The following MID1IP1 variants were observed in gnomAD, a reference collection of about 807,000 sequenced individuals.
The protein encoded by MID1IP1 is MID1 interacting protein 1, also known as mid1-interacting protein 1.
MID1IP1 carries 3 observed loss-of-function variants against 6.8 expected under a neutral mutation model. The ratio of observed to expected loss-of-function variants is 0.44; its 90% confidence interval spans 0.20 to 1.14. The LOEUF (loss-of-function observed/expected upper bound fraction) is 1.14, where lower values mean the gene tolerates loss of function less well. MID1IP1 is among the 50% of genes most tolerant of loss of function. The pLI, the probability that MID1IP1 is intolerant of heterozygous loss-of-function variation, is 0.26. For missense variants in MID1IP1, 127 were observed against 158.4 expected, an observed-to-expected ratio of 0.80 and a Z score of 1.06; for synonymous variants, 87 against 70.4, an observed-to-expected ratio of 1.24 and a Z score of -1.18.
Position 38,802,772 on chromosome X carries a change from CAG to C in MID1IP1, c.-1903_-1902del, listed in dbSNP as rs1253411731. 2.7e-5 allele frequency: 3 copies of C among 109,861 alleles called. No individual in the cohort carries two copies. Among genetic ancestry groups the C allele is most frequent in the Non-Finnish European group, 3.8e-5 (2 of 52,615 alleles). The allele number at this position is 109,861 out of a possible 1,213,427, so 9.1% of individuals were successfully genotyped here. Reference sequence around the variant, plus strand: ...GGATCTTTTTTTTTTTTATTTGAGACAGAGTCTTGCTCTGTCGCCCAGGCTGG... The same window carrying C: ...GGATCTTTTTTTTTTTTATTTGAGACAGTCTTGCTCTGTCGCCCAGGCTGG... On this transcript the variant is annotated 5_prime_UTR_variant, in exon 2 of 3. Coordinates refer to ENST00000614558, the MANE Select transcript of MID1IP1 (RefSeq NM_021242.6).
At chrX:38,802,417 T>A (rs1238390096) in intron 1 of MID1IP1, 118 bp from the exon 2 acceptor site, 1 of 112,313 alleles carries the variant, frequency 8.9e-6, no homozygotes, top group Non-Finnish European at 1.9e-5. Flanking sequence ...GTTTTGCAAG[T>A]AAGAAAACAT....
Position 38,805,592 on chromosome X carries a change from G to T in MID1IP1, c.*94G>T. 1 of 879,970 alleles carries T rather than the reference G, an allele frequency of 1.1e-6. No individual in the cohort carries two copies. The highest frequency in any genetic ancestry group is 3.1e-5 in the Admixed American group (1 of 32,518). The allele number at this position is 879,970 out of a possible 1,213,427, so 72.5% of individuals were successfully genotyped here. A position where few individuals can be genotyped will look rare whatever the true frequency, so the allele number is the denominator to read the frequency against. ...TTTTTTTTTTTCCTGGCTGGGGGGCGGGAAGGGCAGACTGCAAACTGGGGG... is the reference window on the plus strand; with the variant it reads ...TTTTTTTTTTTCCTGGCTGGGGGGCTGGAAGGGCAGACTGCAAACTGGGGG... On this transcript the variant is annotated 3_prime_UTR_variant, in exon 3 of 3. Transcript: ENST00000614558.
Position 38,804,866 on chromosome X carries a change from C to G in MID1IP1, c.-81C>G. 9.7e-7 allele frequency: 1 copy of G among 1,034,237 alleles called. No individual in the cohort carries two copies. Among genetic ancestry groups the G allele is most frequent in the Non-Finnish European group, 1.3e-6 (1 of 771,797 alleles). 85.2% of individuals were successfully genotyped at this position (1,034,237 alleles called of 1,213,427 possible). ...CCCCCAGCGCGGGCCTTGGAGAGCG[C>G]GTGAAGGCGGGCATCCCCTTGACCC... On this transcript the variant is annotated 5_prime_UTR_variant, in exon 3 of 3. Coordinates refer to ENST00000614558, the MANE Select transcript of MID1IP1 (RefSeq NM_021242.6).
In MID1IP1 at chrX:38,804,892, G is replaced by A. The variant is rs1403798263; in HGVS notation, c.-55G>A. The A allele has an allele frequency of 9.7e-6, 11 of 1,129,842 alleles. No individual in the cohort carries two copies. The highest frequency in any genetic ancestry group is 6.1e-5 in the East Asian group (2 of 32,795). 93.1% of individuals were successfully genotyped at this position (1,129,842 alleles called of 1,213,427 possible). The stretch of plus-strand genomic sequence containing the variant: ...GTGAAGGCGGGCATCCCCTTGACCC[G>A]GCCGACCATCCCCGTGCCCCTGCGT... On this transcript the variant is annotated 5_prime_UTR_variant, in exon 3 of 3. Transcript: ENST00000614558.
chrX:38,805,722 G>A lies in MID1IP1; in HGVS notation c.*224G>A, dbSNP rs2070512769. The A allele has an allele frequency of 2.2e-6, 1 of 450,148 alleles. No homozygotes were observed. The highest frequency in any genetic ancestry group is 4.0e-5 in the Admixed American group (1 of 24,894). The allele number at this position is 450,148 out of a possible 1,213,427, so 37.1% of individuals were successfully genotyped here. On this transcript the variant is annotated 3_prime_UTR_variant, in exon 3 of 3. Transcript: ENST00000614558. ...GATGGGAGGGCCCAAGGAACCTCCT[G>A]GGAGGGGGCCTGCATTCTATGTTGG...
In MID1IP1 at chrX:38,805,662, G is replaced by A. The variant is rs1483956374; in HGVS notation, c.*164G>A. The A allele has an allele frequency of 4.0e-6, 2 of 494,804 alleles. No individual in the cohort carries two copies. The highest frequency in any genetic ancestry group is 6.9e-6 in the Non-Finnish European group (2 of 290,550). The allele number at this position is 494,804 out of a possible 1,213,427, so 40.8% of individuals were successfully genotyped here. A position where few individuals can be genotyped will look rare whatever the true frequency, so the allele number is the denominator to read the frequency against. ...CGCGGTGGGGCTGCGTGGAGGAGGGGGCCACGTGTGAGAGAGAAGAAAATG... is the reference window on the plus strand; with the variant it reads ...CGCGGTGGGGCTGCGTGGAGGAGGGAGCCACGTGTGAGAGAGAAGAAAATG... On this transcript the variant is annotated 3_prime_UTR_variant, in exon 3 of 3. Transcript: ENST00000614558.
rs143804380 is a variant in MID1IP1, at chrX:38,805,960, G to A, written c.*462G>A. 3.9e-3 allele frequency: 563 copies of A among 142,829 alleles called. 2 individuals carry two copies. Among genetic ancestry groups the A allele is most frequent in the South Asian group, 0.027 (118 of 4,429 alleles). The allele number at this position is 142,829 out of a possible 1,213,427, so 11.8% of individuals were successfully genotyped here. A position where few individuals can be genotyped will look rare whatever the true frequency, so the allele number is the denominator to read the frequency against. ...TGCGGTTGGGCCGGTGGAGGCCCAGGCGTTGCTAGGATTGCATCAGTTTTC... is the reference window on the plus strand; with the variant it reads ...TGCGGTTGGGCCGGTGGAGGCCCAGACGTTGCTAGGATTGCATCAGTTTTC... On this transcript the variant is annotated 3_prime_UTR_variant, in exon 3 of 3. Transcript: ENST00000614558.
Position 38,804,908 on chromosome X carries a change from G to A in MID1IP1, c.-39G>A. 8.7e-7 allele frequency: 1 copy of A among 1,149,042 alleles called. No individual in the cohort carries two copies. 94.7% of individuals were successfully genotyped at this position (1,149,042 alleles called of 1,213,427 possible). ...CCTTGACCCGGCCGACCATCCCCGT[G>A]CCCCTGCGTCCCTGCGCTCCAACGT... On this transcript the variant is annotated 5_prime_UTR_variant, in exon 3 of 3. Transcript: ENST00000614558.
rs2070467974 is a variant in MID1IP1, at chrX:38,802,750, T to TC, written c.-1927dup. 9.0e-6 allele frequency: 1 copy of TC among 110,618 alleles called. No individual in the cohort carries two copies. The highest frequency in any genetic ancestry group is 9.5e-5 in the Admixed American group (1 of 10,489). The allele number at this position is 110,618 out of a possible 1,213,427, so 9.1% of individuals were successfully genotyped here. A position where few individuals can be genotyped will look rare whatever the true frequency, so the allele number is the denominator to read the frequency against. ...TCTGTTAAGTTTTAGAGAAAAGGGA[T>TC]CTTTTTTTTTTTTATTTGAGACAGA... On this transcript the variant is annotated 5_prime_UTR_variant, in exon 2 of 3. Coordinates refer to ENST00000614558, the MANE Select transcript of MID1IP1 (RefSeq NM_021242.6).
In MID1IP1 at chrX:38,805,769, G is replaced by A. The variant is rs1252502696; in HGVS notation, c.*271G>A. 1 of 401,349 alleles carries A rather than the reference G, an allele frequency of 2.5e-6. No individual in the cohort carries two copies. The highest frequency in any genetic ancestry group is 4.4e-6 in the Non-Finnish European group (1 of 224,815). The allele number at this position is 401,349 out of a possible 1,213,427, so 33.1% of individuals were successfully genotyped here. A position where few individuals can be genotyped will look rare whatever the true frequency, so the allele number is the denominator to read the frequency against. ...TTGGTGGGAATGGGACTGGGCTGAC[G>A]CCCTGCATTCAGCCTGTGCCTTTCC... On this transcript the variant is annotated 3_prime_UTR_variant, in exon 3 of 3. Transcript: ENST00000614558.
In MID1IP1 at chrX:38,805,026, A is replaced by G; in HGVS notation, c.80A>G (p.Asn27Ser). ...AMNRFIGAVN[N>S]MDQTVMVPSL... is the part of the protein sequence containing the mutation. ...AATCGCTTCATTGGCGCCGTGAACA[A>G]CATGGACCAGACGGTGATGGTGCCC... The change falls in exon 3 of 3, where the codon AAC becomes AGC. Residue 27 changes from asparagine to serine, a missense_variant. Asn to Ser is a conservative substitution (Grantham distance 46). Coordinates refer to ENST00000614558, the MANE Select transcript of MID1IP1 (RefSeq NM_021242.6). The G allele has an allele frequency of 8.3e-7, 1 of 1,210,790 alleles. No homozygotes were observed. Among genetic ancestry groups the G allele is most frequent in the Non-Finnish European group, 1.1e-6 (1 of 894,770 alleles).
rs757492420 is a variant in MID1IP1 at position 38,804,058 on chromosome X, C to A, written c.-620C>A. 3.5e-5 allele frequency: 4 copies of A among 114,162 alleles called. No homozygotes were observed. The highest frequency in any genetic ancestry group is 7.4e-5 in the Non-Finnish European group (4 of 53,991). The allele number at this position is 114,162 out of a possible 1,213,427, so 9.4% of individuals were successfully genotyped here. A position where few individuals can be genotyped will look rare whatever the true frequency, so the allele number is the denominator to read the frequency against. On this transcript the variant is annotated 5_prime_UTR_variant, in exon 2 of 3. Transcript: ENST00000614558. ...TGCCCTGCCCTGCCCTGGCCTGCCC[C>A]GGCGCCCTCCCTCAGCCCGGGTATC...
rs1418163076 is a variant in MID1IP1, at chrX:38,804,235, G to C, written c.-443G>C. On this transcript the variant is annotated 5_prime_UTR_variant, in exon 2 of 3. Transcript: ENST00000614558. ...GACACCAGGGGTGGCCCTGAGCGCC[G>C]GCGACACCTTTCCTGGACTATAAAT... 1 of 113,345 alleles carries C rather than the reference G, an allele frequency of 8.8e-6. No individual in the cohort carries two copies. Among genetic ancestry groups the C allele is most frequent in the Non-Finnish European group, 1.9e-5 (1 of 53,521 alleles). 9.3% of individuals were successfully genotyped at this position (113,345 alleles called of 1,213,427 possible). A position where few individuals can be genotyped will look rare whatever the true frequency, so the allele number is the denominator to read the frequency against.
chrX:38,801,778 A>G (rs1392388877), intron 1 of MID1IP1: 2 of 111,402 alleles, frequency 1.8e-5, no homozygotes, highest in East Asian at 5.6e-4. Context: ...TCCGTGTGTT[A>G]TCACACTGTT....
chrX:38,805,589 G>C lies in MID1IP1; in HGVS notation c.*91G>C. The C allele has an allele frequency of 1.1e-6, 1 of 900,726 alleles. No homozygotes were observed. The highest frequency in any genetic ancestry group is 1.5e-6 in the Non-Finnish European group (1 of 650,601). The allele number at this position is 900,726 out of a possible 1,213,427, so 74.2% of individuals were successfully genotyped here. A position where few individuals can be genotyped will look rare whatever the true frequency, so the allele number is the denominator to read the frequency against. On this transcript the variant is annotated 3_prime_UTR_variant, in exon 3 of 3. Coordinates refer to ENST00000614558, the MANE Select transcript of MID1IP1 (RefSeq NM_021242.6). ...CTTTTTTTTTTTTTCCTGGCTGGGGGGCGGGAAGGGCAGACTGCAAACTGG... is the reference window on the plus strand; with the variant it reads ...CTTTTTTTTTTTTTCCTGGCTGGGGCGCGGGAAGGGCAGACTGCAAACTGG...
Position 38,805,213 on chromosome X carries a change from C to T in MID1IP1, c.267C>T (p.Ser89=). The change falls in exon 3 of 3, where the codon AGC becomes AGT. Residue 89 remains serine (S), a synonymous_variant. Coordinates refer to ENST00000614558, the MANE Select transcript of MID1IP1 (RefSeq NM_021242.6). ...SFFAPSRDMY[S]HYVLLKSIRN... is the part of the protein sequence containing the mutation. Reference sequence around the variant, plus strand: ...TCGCGCCCTCTCGGGACATGTACAGCCACTACGTGCTTCTCAAGTCCATCC... The same window carrying T: ...TCGCGCCCTCTCGGGACATGTACAGTCACTACGTGCTTCTCAAGTCCATCC... 8.3e-7 allele frequency: 1 copy of T among 1,207,477 alleles called. No individual in the cohort carries two copies. Among genetic ancestry groups the T allele is most frequent in the East Asian group, 3.0e-5 (1 of 33,699 alleles).
chrX:38,803,498 C>G lies in MID1IP1; in HGVS notation c.-1180C>G, dbSNP rs1296374284. The stretch of plus-strand genomic sequence containing the variant: ...CTTCTCCCCATTGCCACTTGCAGAT[C>G]TCTTCAAAGAATCAGCAGATCTGAT... On this transcript the variant is annotated 5_prime_UTR_variant, in exon 2 of 3. The change creates a new upstream start codon in the 5' untranslated region. Transcript: ENST00000614558. The G allele has an allele frequency of 8.9e-6, 1 of 112,987 alleles. No homozygotes were observed. The highest frequency in any genetic ancestry group is 1.9e-5 in the Non-Finnish European group (1 of 53,388). The allele number at this position is 112,987 out of a possible 1,213,427, so 9.3% of individuals were successfully genotyped here. A position where few individuals can be genotyped will look rare whatever the true frequency, so the allele number is the denominator to read the frequency against.
In MID1IP1 at chrX:38,805,048, G is replaced by C. The variant is rs375313495; in HGVS notation, c.102G>C (p.Val34=). Residue 34 remains valine, a synonymous_variant, in exon 3 of 3, where the codon GTG becomes GTC. Coordinates refer to ENST00000614558, the MANE Select transcript of MID1IP1 (RefSeq NM_021242.6). ...AVNNMDQTVM[V]PSLLRDVPLA... The stretch of plus-strand genomic sequence containing the variant: ...ACAACATGGACCAGACGGTGATGGT[G>C]CCCAGCTTGCTGCGCGACGTGCCCC... 8.3e-6 allele frequency: 10 copies of C among 1,210,291 alleles called. No homozygotes were observed. The African/African-American group carries it at 1.6e-4, about 19-fold the overall frequency.
Position 38,805,189 on chromosome X carries a change from C to T in MID1IP1, c.243C>T (p.Phe81=). The change falls in exon 3 of 3, where the codon TTC becomes TTT. Residue 81 remains phenylalanine (F), a synonymous_variant. Coordinates refer to ENST00000614558, the MANE Select transcript of MID1IP1 (RefSeq NM_021242.6). ...CGGGAAGCGCCAATGGCAGCTTTTT[C>T]GCGCCCTCTCGGGACATGTACAGCC... ...PDSGSANGSF[F]APSRDMYSHY... is the part of the protein sequence containing the mutation. 1 of 1,209,897 alleles carries T rather than the reference C, an allele frequency of 8.3e-7. No homozygotes were observed. The highest frequency in any genetic ancestry group is 1.1e-6 in the Non-Finnish European group (1 of 894,753).
Sources: allele counts gnomAD v4.1 joint callset, GRCh38; gene constraint gnomAD v4.1.1; transcripts MANE v1.5; gene names NCBI Gene and HGNC (gene_info 2026-07-23, HGNC 2026-07-21).